PER3: variants seen among roughly 807,000 people sequenced by gnomAD.
The protein encoded by PER3 is period circadian protein homolog 3.
In PER3, 107 loss-of-function variants were observed where a neutral mutation model predicts 127.2. The ratio of observed to expected loss-of-function variants is 0.84; its 90% confidence interval spans 0.72 to 0.99. The LOEUF (loss-of-function observed/expected upper bound fraction) is 0.99. Ranked by LOEUF, PER3 falls within the 50% of genes least tolerant of loss-of-function variation. PER3 has a pLI of 0.00. For missense variants in PER3, 1,560 were observed against 1,525.8 expected (o/e 1.02, Z -0.37); for synonymous variants, 618 against 585.8 (o/e 1.05, Z -0.79).
chr1:7,827,679 C>A lies in PER3; in HGVS notation c.2750C>A (p.Ala917Glu), dbSNP rs1335460882. Residue 917 changes from alanine (A) to glutamate (E), a missense_variant, in exon 18 of 22, where the codon GCA becomes GAA. By Grantham distance (107) the Ala-to-Glu change is moderately radical. This residue lies in a region of PER3 where 1,332 missense variants were observed against 1,223.6 expected (regional missense o/e 1.09). Transcript: ENST00000377532. Reference protein sequence around the residue: ...SQRREEEKWEAQSEGHPFITS... With the variant: ...SQRREEEKWEEQSEGHPFITS... The stretch of plus-strand genomic sequence containing the variant: ...AGGAGAGAGGAGGAAAAGTGGGAGG[C>A]ACAAAGCGAGGGGCACCCGTTCATT... 12 of 1,614,152 alleles carry A rather than the reference C, an allele frequency of 7.4e-6. No individual in the cohort carries two copies. The highest frequency in any genetic ancestry group is 1.0e-5 in the Non-Finnish European group (12 of 1,180,014).
intron 5 of PER3, among the ~76,000 whole-genome samples, chr1:7,789,492 C>G (rs577006040): frequency 6.6e-6 from 1 of 152,324 alleles, no homozygotes; most frequent in African/African-American, 2.4e-5. Context: ...TTGCCTTCTG[C>G]CGTGATTGTG....
chr1:7,834,960 G>T lies in PER3; in HGVS notation c.3215-802G>T, dbSNP rs187775212. Among the ~76,000 whole-genome samples the T allele has an allele frequency of 1.1e-3, 172 of 152,266 alleles. 1 individual carries two copies. Among genetic ancestry groups the T allele is most frequent in the African/African-American group, 4.0e-3 (166 of 41,544 alleles). ...ATCAGCCATAAAGGGATGGTCCTTG[G>T]GATGAACAGTTTCTGTGTTGTGGCA... On this transcript the variant is annotated intron_variant, in intron 19 of 21. Coordinates refer to ENST00000377532, the MANE Select transcript of PER3 (RefSeq NM_001377275.1).
At chr1:7,798,153 T>C (rs985431114) in intron 6 of PER3, among the ~76,000 whole-genome samples, 1 of 152,200 alleles carries the variant, frequency 6.6e-6, no homozygotes. Flanking sequence ...GGGGACCCTG[T>C]TTTCTCTCTT....
chr1:7,837,915 A>T (rs960594712), intron 21 of PER3, among the ~76,000 whole-genome samples: 1 of 152,126 alleles, frequency 6.6e-6, no homozygotes, highest in South Asian at 2.1e-4. Context: ...AATCAAAACA[A>T]TTAGCCAGGT....
intron 5 of PER3, among the ~76,000 whole-genome samples, chr1:7,788,924 AT>A (rs201101379): frequency 4.1e-5 from 6 of 147,622 alleles, no homozygotes; most frequent in South Asian, 2.2e-4. Flanking sequence ...AAAAAAAAAA[AT>A]TCAGATCATT....
chr1:7,842,021 T>G (rs565540659), intron 21 of PER3, among the ~76,000 whole-genome samples: 1 of 152,304 alleles, frequency 6.6e-6, no homozygotes. Flanking sequence ...CCTGTACAGC[T>G]GTTACTGTCC....
At position 7,789,598 on chromosome 1, in the gene PER3, C is replaced by A. The variant is rs182856519; in HGVS notation, c.592+1352C>A. Among the ~76,000 whole-genome samples, 1,236 of 152,304 alleles carry A rather than the reference C, an allele frequency of 8.1e-3. 17 individuals carry two copies. The highest frequency in any genetic ancestry group is 0.028 in the African/African-American group (1,172 of 41,560). The stretch of plus-strand genomic sequence containing the variant: ...TCTGTCTTTATCAGCAGCATGCAAA[C>A]GGACCTAATACACCATCTTAATCAT... On this transcript the variant is annotated intron_variant, in intron 5 of 21. Transcript: ENST00000377532.
intron 10 of PER3, among the ~76,000 whole-genome samples, chr1:7,806,905 A>G (rs1391962153): frequency 6.6e-6 from 1 of 150,770 alleles, no homozygotes; most frequent in Non-Finnish European, 1.5e-5. Context: ...GAATATGTAA[A>G]TCTCATAAAG....
At chr1:7,839,409 G>C (rs905506168) in intron 21 of PER3, among the ~76,000 whole-genome samples, 2 of 152,232 alleles carry the variant, frequency 1.3e-5, no homozygotes, top group Non-Finnish European at 2.9e-5. Context: ...TTCTTTGAAT[G>C]TATTAGTTTC....
At chr1:7,833,087 A>T (rs187841225) in intron 19 of PER3, among the ~76,000 whole-genome samples, 16 of 152,176 alleles carry the variant, frequency 1.1e-4, no homozygotes, top group Non-Finnish European at 1.3e-4. Flanking sequence ...TAATATTTGG[A>T]GATTTTTTTT....
chr1:7,830,526 G>C (rs776072166), intron 19 of PER3, among the ~76,000 whole-genome samples: 9 of 152,124 alleles, frequency 5.9e-5, no homozygotes, highest in Non-Finnish European at 1.0e-4. Flanking sequence ...CTTTTCCTAT[G>C]ATTTATGTAT....
At chr1:7,789,376 G>A (rs1371403974) in intron 5 of PER3, among the ~76,000 whole-genome samples, 1 of 152,158 alleles carries the variant, frequency 6.6e-6, no homozygotes, top group Non-Finnish European at 1.5e-5. Context: ...TCTCGTGATA[G>A]TGGATAAGTC....
At chr1:7,800,367 C>CCTGCT (rs766462554) in intron 7 of PER3, among the ~76,000 whole-genome samples, 4 of 151,542 alleles carry the variant, frequency 2.6e-5, no homozygotes, top group Non-Finnish European at 5.9e-5. Flanking sequence ...ACCACCCCAC[C>CCTGCT]CTGCTAATTT....
chr1:7,827,717 A>G lies in PER3; in HGVS notation c.2788A>G (p.Ser930Gly). 1 of 1,614,176 alleles carries G rather than the reference A, an allele frequency of 6.2e-7. No homozygotes were observed. The highest frequency in any genetic ancestry group is 8.5e-7 in the Non-Finnish European group (1 of 1,180,022). Residue 930 changes from serine to glycine, a missense_variant, in exon 18 of 22, where the codon AGC (serine) becomes GGC (glycine). Ser to Gly is a moderately conservative substitution (Grantham distance 56). Coordinates refer to ENST00000377532, the MANE Select transcript of PER3 (RefSeq NM_001377275.1). ...EGHPFITSRSSSPLQLNLLQE... is the reference protein window; with the variant it reads ...EGHPFITSRSGSPLQLNLLQE... ...GCACCCGTTCATTACTTCGAGAAGC[A>G]GCTCACCCTTGCAGTTAAACTTACT...
chr1:7,842,515 AAT>A (rs2097396106), intron 21 of PER3, 155 bp from the exon 22 acceptor site: 1 of 519,630 alleles, frequency 1.9e-6, no homozygotes, highest in Non-Finnish European at 2.5e-6. Context: ...AAAAAATAAA[AAT>A]AGTTATAATA....
intron 16 of PER3, among the ~76,000 whole-genome samples, chr1:7,824,817 G>A (rs1211590156): frequency 6.6e-6 from 1 of 152,164 alleles, no homozygotes; most frequent in Non-Finnish European, 1.5e-5. Flanking sequence ...AGAGTCTCTA[G>A]TCTGGCGGAT....
At chr1:7,838,881 C>T (rs963132492) in intron 21 of PER3, among the ~76,000 whole-genome samples, 8 of 152,206 alleles carry the variant, frequency 5.3e-5, no homozygotes, top group African/African-American at 1.4e-4. Context: ...TAGTGCCTTT[C>T]AAAATCGGTT....
At chr1:7,798,474 T>C (rs2097155551) in intron 6 of PER3, 51 bp from the exon 7 acceptor site, 1 of 1,441,906 alleles carries the variant, frequency 6.9e-7, no homozygotes, top group East Asian at 2.4e-5. Context: ...TGTTTCGCCA[T>C]GGGCCAGTAG....
rs185868152 is a variant in PER3 at position 7,824,811 on chromosome 1, T to G, written c.1958-1669T>G. ...TGTGATGCCTCAGGAGTTAGGAGAG[T>G]CTCTAGTCTGGCGGATGGGAACCGG... On this transcript the variant is annotated intron_variant, in intron 16 of 21. Transcript: ENST00000377532. 8.0e-4 allele frequency among the ~76,000 whole-genome samples: 122 copies of G among 151,824 alleles called. No individual in the cohort carries two copies. In the East Asian group the frequency reaches 0.018, roughly 23 times the overall value.
Sources: allele counts gnomAD v4.1 joint callset (sites outside exome capture counted in the v4.1 genomes callset), GRCh38; gene constraint gnomAD v4.1.1; regional missense constraint gnomAD v4.1.1; transcripts MANE v1.5; gene names NCBI Gene and HGNC (gene_info 2026-07-23, HGNC 2026-07-21).